The following FKBP15 variants were observed in gnomAD, a reference collection of about 807,000 sequenced individuals.
FKBP15 encodes FKBP prolyl isomerase family member 15.
In FKBP15, 106 loss-of-function variants were observed where a neutral mutation model predicts 158.1. The ratio of observed to expected loss-of-function variants is 0.67; its 90% CI spans 0.57 to 0.79. FKBP15 has a LOEUF of 0.79. Among genes scored for constraint, FKBP15 ranks in the 30% least tolerant of loss-of-function variants. FKBP15 has a pLI of 0.00. For synonymous variants in FKBP15, 547 were observed against 548.6 expected, an observed-to-expected ratio of 1.00 and a Z score of 0.04; for missense variants, 1,287 against 1,479.1, an observed-to-expected ratio of 0.87 and a Z score of 2.13.
intron 4 of FKBP15, among the ~76,000 whole-genome samples, chr9:113,203,542 C>A (rs200254539): frequency 7.8e-6 from 1 of 127,708 alleles, no homozygotes; most frequent in African/African-American, 3.0e-5. Context: ...TTTTTTTTTT[C>A]TTTTTGAGAC....
intron 4 of FKBP15, 78 bp downstream of exon 4, chr9:113,206,431 G>A (rs1133619): frequency 0.18 from 198,066 of 1,101,758 alleles, 19,944 homozygotes; most frequent in African/African-American, 0.35. Context: ...ACAAGACATC[G>A]GGCAAGCCAG....
rs901531941 is a variant in FKBP15 at position 113,198,621 on chromosome 9, G to A, written c.717+234C>T. 2.6e-5 allele frequency among the ~76,000 whole-genome samples: 4 copies of A among 152,016 alleles called. No homozygotes were observed. The highest frequency in any genetic ancestry group is 2.1e-4 in the South Asian group (1 of 4,822). On this transcript the variant is annotated intron_variant, in intron 8 of 27. Coordinates refer to ENST00000238256, the MANE Select transcript of FKBP15 (RefSeq NM_015258.2). The surrounding 1 kb of genome is among the most constrained non-coding windows in gnomAD (Gnocchi z 5.2). ...TACAAAATTAGCTGGGTGTGGTGGC[G>A]CATGCCTGTAATCCCAGCTACTAGG...
intron 6 of FKBP15, among the ~76,000 whole-genome samples, chr9:113,201,502 A>C (rs7029408): frequency 0.33 from 50,685 of 152,138 alleles, 8,697 homozygotes; most frequent in African/African-American, 0.38. Context: ...TGACAGTATT[A>C]GGAGGTGGGG....
chr9:113,170,708 G>C (rs1830193016), intron 24 of FKBP15, 79 bp from the exon 25 acceptor site: 1 of 1,047,952 alleles, frequency 9.5e-7, no homozygotes, highest in African/African-American at 1.6e-5. Context: ...TGTATGGAAG[G>C]CCAAAATGAA....
In FKBP15 at chr9:113,207,254, G is replaced by A; in HGVS notation, c.212C>T (p.Thr71Ile). The A allele has an allele frequency of 6.2e-7, 1 of 1,613,272 alleles. No individual in the cohort carries two copies. Among genetic ancestry groups the A allele is most frequent in the Non-Finnish European group, 8.5e-7 (1 of 1,179,592 alleles). ...TGCTGTTGCGACCAGTATTGTGGGA[G>A]TGCTCATGGTGGCTGGTGCTGTTTT... ...TPKTAPATMSTPTILVATAVH... is the reference protein window; with the variant it reads ...TPKTAPATMSIPTILVATAVH... The change falls in exon 3 of 28, where the codon ACT becomes ATT. Residue 71 changes from threonine (T) to isoleucine (I), a missense_variant. Transcript: ENST00000238256.
At position 113,184,249 on chromosome 9, in the gene FKBP15, G is replaced by C. The variant is rs1830448447; in HGVS notation, c.1716+43C>G. The C allele has an allele frequency of 7.2e-7, 1 of 1,381,560 alleles. No individual in the cohort carries two copies. The highest frequency in any genetic ancestry group is 1.0e-6 in the Non-Finnish European group (1 of 989,564). 85.6% of individuals were successfully genotyped at this position (1,381,560 alleles called of 1,614,324 possible). Reference sequence around the variant, plus strand: ...TAGTACCTCTGAGAAGAGAGGATGGGTAAGACCTTCAGCCTGAGTGGTATG... The same window carrying C: ...TAGTACCTCTGAGAAGAGAGGATGGCTAAGACCTTCAGCCTGAGTGGTATG... On this transcript the variant is annotated intron_variant, in intron 17 of 27. Coordinates refer to ENST00000238256, the MANE Select transcript of FKBP15 (RefSeq NM_015258.2). The surrounding 1 kb of genome is among the most constrained non-coding windows in gnomAD (Gnocchi z 4.5).
intron 2 of FKBP15, 113 bp from the exon 3 acceptor site, chr9:113,207,409 G>T: frequency 1.4e-6 from 1 of 723,174 alleles, no homozygotes. Flanking sequence ...GCGTGATCTC[G>T]GTTCACTGCA....
At chr9:113,207,186 G>A in intron 3 of FKBP15, 26 bp downstream of exon 3, 1 of 1,589,096 alleles carries the variant, frequency 6.3e-7, no homozygotes. Context: ...CCAAACTTCA[G>A]AGGGTGTTCC....
At chr9:113,197,334 A>C (rs1438692676) in intron 8 of FKBP15, among the ~76,000 whole-genome samples, 1 of 152,154 alleles carries the variant, frequency 6.6e-6, no homozygotes, top group Non-Finnish European at 1.5e-5. Context: ...GGGAGGAATA[A>C]AAGAACAGCA....
chr9:113,182,923 G>A (rs1830425486), intron 18 of FKBP15, 55 bp from the exon 19 acceptor site: 5 of 1,414,478 alleles, frequency 3.5e-6, no homozygotes, highest in Non-Finnish European at 5.0e-6. Flanking sequence ...GTGTATGGCA[G>A]GCACAACCCA....
intron 22 of FKBP15, 120 bp from the exon 23 acceptor site, chr9:113,173,725 G>T: frequency 1.0e-6 from 1 of 1,000,124 alleles, no homozygotes; most frequent in Non-Finnish European, 1.5e-6. Context: ...AGATTTAACT[G>T]GGAAACTGTT....
chr9:113,161,573 C>T lies in FKBP15; in HGVS notation c.*4505G>A. 1 of 1,614,018 alleles carries T rather than the reference C, an allele frequency of 6.2e-7. No individual in the cohort carries two copies. The highest frequency in any genetic ancestry group is 1.3e-5 in the African/African-American group (1 of 75,044). On this transcript the variant is annotated 3_prime_UTR_variant, in exon 28 of 28. Transcript: ENST00000238256. ...TACTGTATGAAGGCATCAAGGTTGG[C>T]AAAGCCAAGCTGCTCAACCAGGTAC...
intron 3 of FKBP15, 134 bp from the exon 4 acceptor site, chr9:113,206,712 A>ATTTTTTTT (rs35902681): frequency 1.0e-5 from 3 of 290,362 alleles, no homozygotes; most frequent in Admixed American, 7.0e-5. Flanking sequence ...GCGGTTTAAA[A>ATTTTTTTT]TTTTTTTTTT....
rs1587949418 is a variant in FKBP15 at position 113,170,560 on chromosome 9, C to T, written c.2728G>A (p.Gly910Ser). ...ATGATGGTTCCCAGAATGGTCCTGC[C>T]ATTGTAAGATTCCTCCAGCTCAAAC... ...REFELEESYN[G>S]RTILGTIMNT... Residue 910 changes from glycine (G) to serine (S), a missense_variant, in exon 25 of 28, where the codon GGC becomes AGC. Gly to Ser is a moderately conservative substitution (Grantham distance 56). Transcript: ENST00000238256. 1 of 1,613,912 alleles carries T rather than the reference C, an allele frequency of 6.2e-7. No homozygotes were observed. The highest frequency in any genetic ancestry group is 8.5e-7 in the Non-Finnish European group (1 of 1,179,780).
Position 113,168,583 on chromosome 9 carries a change from T to C in FKBP15, c.3486-27A>G, listed in dbSNP as rs765494586. The stretch of plus-strand genomic sequence containing the variant: ...TGAAGGAAAATCAAGTCATAGAAAA[T>C]GTTATTGTTCCTGCTCCAGGTCACA... On this transcript the variant is annotated intron_variant, in intron 26 of 27. Coordinates refer to ENST00000238256, the MANE Select transcript of FKBP15 (RefSeq NM_015258.2). 6.2e-6 allele frequency: 10 copies of C among 1,603,670 alleles called. No individual in the cohort carries two copies. The South Asian group carries it at 1.1e-4, about 18-fold the overall frequency.
At position 113,170,519 on chromosome 9, in the gene FKBP15, T is replaced by C; in HGVS notation, c.2766+3A>G. ...GAAACAAATGACAGCTGGCTGGCTG[T>C]ACCTTGATCGTATTCATGATGGTTC... On this transcript the variant is annotated splice_donor_region_variant and intron_variant, in intron 25 of 27. Coordinates refer to ENST00000238256, the MANE Select transcript of FKBP15 (RefSeq NM_015258.2). 6.2e-7 allele frequency: 1 copy of C among 1,600,166 alleles called. No individual in the cohort carries two copies. Among genetic ancestry groups the C allele is most frequent in the South Asian group, 1.1e-5 (1 of 90,828 alleles).
rs758145997 is a variant in FKBP15, at chr9:113,187,821, G to A, written c.1355C>T (p.Ala452Val). ...AAAGGATTGGGCATTTCCAGATACAGCTGAGTGGGAATCGAGAGATGACAC... is the reference window on the plus strand; with the variant it reads ...AAAGGATTGGGCATTTCCAGATACAACTGAGTGGGAATCGAGAGATGACAC... ...MQVSSLDSHS[A>V]VSGNAQSFQP... Residue 452 changes from alanine (A) to valine (V), a missense_variant, in exon 14 of 28, where the codon GCT becomes GTT. Coordinates refer to ENST00000238256, the MANE Select transcript of FKBP15 (RefSeq NM_015258.2). 4.3e-6 allele frequency: 7 copies of A among 1,613,884 alleles called. No homozygotes were observed. In the Admixed American group the frequency reaches 8.3e-5, roughly 19 times the overall value.
chr9:113,213,161 C>T (rs1410190306), intron 1 of FKBP15, among the ~76,000 whole-genome samples: 1 of 152,178 alleles, frequency 6.6e-6, no homozygotes, highest in Non-Finnish European at 1.5e-5. Context: ...GTAATCCCAG[C>T]ATTTTGGGAG....
rs377220809 is a variant in FKBP15, at chr9:113,171,697, G to A, written c.2542C>T (p.Leu848Phe). The stretch of plus-strand genomic sequence containing the variant: ...GTGAGAGCTGTGATTTGGGCCTGGA[G>A]GGCTAAACACTGCAAAACAAACAGA... ...LVQLQEKCLA[L>F]QAQITALTKQ... Residue 848 changes from leucine to phenylalanine, a missense_variant, in exon 24 of 28, where the codon CTC becomes TTC. By Grantham distance (22) the Leu-to-Phe change is conservative. Coordinates refer to ENST00000238256, the MANE Select transcript of FKBP15 (RefSeq NM_015258.2). The A allele has an allele frequency of 1.9e-5, 30 of 1,592,072 alleles. No individual in the cohort carries two copies. Among genetic ancestry groups the A allele is most frequent in the Admixed American group, 7.1e-5 (4 of 56,640 alleles).
Sources: gnomAD v4.1 joint callset for allele counts (sites outside exome capture counted in the v4.1 genomes callset) on GRCh38, gnomAD v4.1.1 for gene constraint, Gnocchi (gnomAD v3.1) non-coding constraint, MANE v1.5 for transcripts, NCBI Gene and HGNC (gene_info 2026-07-23, HGNC 2026-07-21) for gene names.